The following N4BP2 variants were observed in gnomAD, a reference collection of about 807,000 sequenced individuals.
N4BP2 encodes the protein NEDD4 binding protein 2.
A neutral mutation model predicts 152.8 loss-of-function variants in N4BP2; 91 were observed. The ratio of observed to expected loss-of-function variants is 0.60; its 90% CI spans 0.50 to 0.71. The LOEUF is 0.71. N4BP2 is among the 30% of genes least tolerant of loss of function. N4BP2 has a pLI of 0.00. For synonymous variants in N4BP2, 646 were observed against 705.3 expected (o/e 0.92, Z 1.33); for missense variants, 1,923 against 2,059.1 (o/e 0.93, Z 1.28).
intron 1 of N4BP2, among the ~76,000 whole-genome samples, chr4:40,058,973 A>C (rs745754782): frequency 6.6e-6 from 1 of 152,092 alleles, no homozygotes; most frequent in Non-Finnish European, 1.5e-5. Flanking sequence ...GGCGAAAGCC[A>C]CTACGCCCGG....
At chr4:40,161,184 A>G (rs1482172098), downstream of N4BP2, among the ~76,000 whole-genome samples, 1 of 152,228 alleles carries the variant, frequency 6.6e-6, no homozygotes, top group Non-Finnish European at 1.5e-5. Flanking sequence ...TGGCCTGATA[A>G]TGCCGCCACT....
chr4:40,063,608 G>A (rs866647568), intron 1 of N4BP2, among the ~76,000 whole-genome samples: 3 of 151,858 alleles, frequency 2.0e-5, no homozygotes, highest in Non-Finnish European at 2.9e-5. Flanking sequence ...ATTCTTTATC[G>A]TTTTATTGAT....
intron 2 of N4BP2, among the ~76,000 whole-genome samples, chr4:40,093,101 G>A (rs1226567708): frequency 6.6e-6 from 1 of 151,388 alleles, no homozygotes; most frequent in Non-Finnish European, 1.5e-5. Flanking sequence ...CTGCCACCAT[G>A]GCCAGCTAAT....
intron 2 of N4BP2, among the ~76,000 whole-genome samples, chr4:40,089,877 A>G (rs1714363147): frequency 6.6e-6 from 1 of 152,178 alleles, no homozygotes; most frequent in South Asian, 2.1e-4. Context: ...TTTATGTCTT[A>G]AACATTTAAA....
Position 40,155,132 on chromosome 4 carries a change from C to T in N4BP2, c.*895C>T, listed in dbSNP as rs1181241674. The T allele has an allele frequency of 6.6e-6, 1 of 152,210 alleles. No homozygotes were observed. The highest frequency in any genetic ancestry group is 1.5e-5 in the Non-Finnish European group (1 of 68,070). 9.4% of individuals were successfully genotyped at this position (152,210 alleles called of 1,614,324 possible). The stretch of plus-strand genomic sequence containing the variant: ...ATTGGCCTGGTGTGGTGGCCCACGC[C>T]TGTAATCCCAGCACTTTGGGAGGCC... On this transcript the variant is annotated 3_prime_UTR_variant, in exon 18 of 18. Coordinates refer to ENST00000261435, the MANE Select transcript of N4BP2 (RefSeq NM_018177.6).
intron 1 of N4BP2, among the ~76,000 whole-genome samples, chr4:40,070,755 G>T (rs1405787963): frequency 6.6e-6 from 1 of 151,886 alleles, no homozygotes; most frequent in Non-Finnish European, 1.5e-5. Context: ...CCTGATACAT[G>T]CTACTTATAC....
chr4:40,121,441 A>G lies in N4BP2; in HGVS notation c.3330A>G (p.Leu1110=). ...GSFSLEALKD[L]YERCNKDIIW... is the part of the protein sequence containing the mutation. ...TTTCATTAGAAGCCCTGAAAGACTT[A>G]TATGAGAGGTGCAATAAAGATATTA... Residue 1110 remains leucine, a synonymous_variant, in exon 9 of 18, where the codon TTA becomes TTG. Transcript: ENST00000261435. 1 of 1,613,438 alleles carries G rather than the reference A, an allele frequency of 6.2e-7. No homozygotes were observed. Among genetic ancestry groups the G allele is most frequent in the Non-Finnish European group, 8.5e-7 (1 of 1,179,818 alleles).
chr4:40,150,325 A>G (rs1231228794), intron 16 of N4BP2, among the ~76,000 whole-genome samples: 2 of 152,216 alleles, frequency 1.3e-5, no homozygotes, highest in South Asian at 2.1e-4. Flanking sequence ...ACAGAGGAAC[A>G]TGTTAAACAA....
rs533521896 is a variant in N4BP2 at position 40,094,578 on chromosome 4, G to C, written c.-114-2649G>C. Among the ~76,000 whole-genome samples the C allele has an allele frequency of 3.3e-5, 5 of 151,920 alleles. No homozygotes were observed. The East Asian group carries it at 9.6e-4, about 29-fold the overall frequency. On this transcript the variant is annotated intron_variant, in intron 2 of 17. Transcript: ENST00000261435. ...TTATTTATTTATTTATTTTTGAGAT[G>C]GAGTTTCGCTCTTGTTGCCCAGGCT...
At chr4:40,132,137 A>G (rs1227103742) in intron 13 of N4BP2, among the ~76,000 whole-genome samples, 1 of 152,164 alleles carries the variant, frequency 6.6e-6, no homozygotes, top group African/African-American at 2.4e-5. Context: ...ATAAATAAGA[A>G]TTGATTTACA....
chr4:40,183,538 A>T, the N4BP2 span, among the ~76,000 whole-genome samples: 1 of 152,040 alleles, frequency 6.6e-6, no homozygotes, highest in Non-Finnish European at 1.5e-5. Context: ...GGGTTTCACC[A>T]TGTTAGCCAG....
intron 2 of N4BP2, among the ~76,000 whole-genome samples, chr4:40,093,088 C>T (rs1288818746): frequency 6.6e-6 from 1 of 151,490 alleles, no homozygotes; most frequent in Non-Finnish European, 1.5e-5. Context: ...GGATTACAGG[C>T]GCCTGCCACC....
At chr4:40,070,755 G>A (rs1405787963) in intron 1 of N4BP2, among the ~76,000 whole-genome samples, 2 of 151,886 alleles carry the variant, frequency 1.3e-5, no homozygotes, top group Admixed American at 6.6e-5. Flanking sequence ...CCTGATACAT[G>A]CTACTTATAC....
At chr4:40,106,463 C>T (rs1490888787) in intron 4 of N4BP2, among the ~76,000 whole-genome samples, 1 of 152,112 alleles carries the variant, frequency 6.6e-6, no homozygotes, top group Non-Finnish European at 1.5e-5. Flanking sequence ...ACTATAGGTG[C>T]ACACTACCAC....
the N4BP2 span, among the ~76,000 whole-genome samples, chr4:40,164,345 G>A: frequency 6.6e-6 from 1 of 152,126 alleles, no homozygotes; most frequent in South Asian, 2.1e-4. Context: ...GTTCCTAAGG[G>A]AGTTTGATTT....
At chr4:40,109,761 C>T (rs1286479996) in intron 5 of N4BP2, among the ~76,000 whole-genome samples, 1 of 151,568 alleles carries the variant, frequency 6.6e-6, no homozygotes, top group Non-Finnish European at 1.5e-5. Flanking sequence ...GCCCTTATAA[C>T]AGCAACAATA....
At chr4:40,134,897 C>A (rs996367544) in intron 13 of N4BP2, among the ~76,000 whole-genome samples, 14 of 81,996 alleles carry the variant, frequency 1.7e-4, no homozygotes, top group African/African-American at 5.2e-4. Context: ...CCCTTCCTTC[C>A]TTCCTTTCTC....
At chr4:40,088,525 G>A (rs1372682022) in intron 2 of N4BP2, among the ~76,000 whole-genome samples, 1 of 150,166 alleles carries the variant, frequency 6.7e-6, no homozygotes, top group African/African-American at 2.4e-5. Flanking sequence ...TTTGCAATGG[G>A]GTTTCGCTCT....
chr4:40,110,534 G>T (rs1224601122), intron 5 of N4BP2, among the ~76,000 whole-genome samples: 2 of 152,056 alleles, frequency 1.3e-5, no homozygotes. Flanking sequence ...TTGGCCATTT[G>T]TATATCTTCT....
Sources: gnomAD v4.1 joint callset for allele counts (sites outside exome capture counted in the v4.1 genomes callset) on GRCh38, gnomAD v4.1.1 for gene constraint, MANE v1.5 for transcripts, NCBI Gene and HGNC (gene_info 2026-07-23, HGNC 2026-07-21) for gene names.